ADGRB3: variants seen among roughly 807,000 people sequenced by gnomAD.
ADGRB3 encodes brain-specific angiogenesis inhibitor 3.
A neutral mutation model predicts 193.4 loss-of-function variants in ADGRB3; 37 were observed. That is an observed-to-expected ratio of 0.19 (90% CI 0.15 to 0.25). The LOEUF is 0.25. Ranked by LOEUF, ADGRB3 falls within the 10% of genes least tolerant of loss-of-function variation. ADGRB3 has a pLI of 1.00. For missense variants in ADGRB3, 1,637 were observed against 1,852.9 expected (o/e 0.88, Z 2.14); for synonymous variants, 690 against 644.2 (o/e 1.07, Z -1.08).
At chr6:68,803,933 A>C (rs1312618731) in intron 3 of ADGRB3, among the ~76,000 whole-genome samples, 4 of 152,104 alleles carry the variant, frequency 2.6e-5, no homozygotes, top group Non-Finnish European at 5.9e-5. Context: ...TCCAACATTC[A>C]ATACCATTGA....
intron 3 of ADGRB3, among the ~76,000 whole-genome samples, chr6:68,772,898 T>A (rs1279732603): frequency 0.068 from 799 of 11,832 alleles, 2 homozygotes; most frequent in Admixed American, 0.095. Flanking sequence ...AAAAAAAATA[T>A]ATATATATAT....
chr6:68,779,784 T>G (rs1766819605), intron 3 of ADGRB3, among the ~76,000 whole-genome samples: 1 of 152,036 alleles, frequency 6.6e-6, no homozygotes, highest in Admixed American at 6.6e-5. Flanking sequence ...CCTGACAATG[T>G]TTTACATACA....
intron 17 of ADGRB3, among the ~76,000 whole-genome samples, chr6:69,157,824 A>G (rs547605936): frequency 7.9e-5 from 12 of 152,298 alleles, no homozygotes; most frequent in African/African-American, 2.9e-4. Flanking sequence ...AAAGAAGTCT[A>G]AATGTATTAT....
At chr6:69,373,317 G>A (rs1003608100) in intron 30 of ADGRB3, among the ~76,000 whole-genome samples, 9 of 151,894 alleles carry the variant, frequency 5.9e-5, no homozygotes, top group South Asian at 2.1e-4. Context: ...TAATTCAGTC[G>A]TTTCATTTAT....
intron 20 of ADGRB3, among the ~76,000 whole-genome samples, chr6:69,259,304 C>G (rs1458013147): frequency 6.6e-6 from 1 of 152,126 alleles, no homozygotes; most frequent in Non-Finnish European, 1.5e-5. Flanking sequence ...CAATAATTAA[C>G]CTTGTTGCTG....
intron 17 of ADGRB3, among the ~76,000 whole-genome samples, chr6:69,171,892 C>T (rs1179738839): frequency 1.3e-5 from 2 of 152,168 alleles, no homozygotes; most frequent in Non-Finnish European, 2.9e-5. Context: ...TACATTGCCA[C>T]ACAAAATAAG....
chr6:68,664,691 G>A (rs1768756103), intron 3 of ADGRB3, among the ~76,000 whole-genome samples: 1 of 151,732 alleles, frequency 6.6e-6, no homozygotes, highest in South Asian at 2.1e-4. Context: ...TGCTCTTCTG[G>A]CCTATATAAG....
intron 17 of ADGRB3, among the ~76,000 whole-genome samples, chr6:69,127,932 G>A (rs1695918497): frequency 2.6e-5 from 4 of 151,258 alleles, no homozygotes; most frequent in Admixed American, 1.3e-4. Context: ...ATGGCATTTG[G>A]ACATAGATGT....
chr6:68,955,960 A>G (rs1768058729), intron 6 of ADGRB3, 64 bp from the exon 7 acceptor site: 4 of 1,540,614 alleles, frequency 2.6e-6, no homozygotes, highest in Admixed American at 3.7e-5. Flanking sequence ...TTTACCAGGT[A>G]CTTTCTGTAC....
In ADGRB3 at chr6:69,361,322, A is replaced by G. The variant is rs746013983; in HGVS notation, c.4049A>G (p.Asn1350Ser). ...LLHYKVNPEF[N>S]MNPPVMDQFN... ...CACTACAAAGTAAACCCTGAATTCAATATGAATCCCCCTGTAATGGACCAG... is the reference window on the plus strand; with the variant it reads ...CACTACAAAGTAAACCCTGAATTCAGTATGAATCCCCCTGTAATGGACCAG... Residue 1350 changes from asparagine (N) to serine (S), a missense_variant, in exon 29 of 32, where the codon AAT becomes AGT. Physicochemically the swap from Asn to Ser is conservative, Grantham distance 46. Transcript: ENST00000370598. 31 of 1,612,886 alleles carry G rather than the reference A, an allele frequency of 1.9e-5. No individual in the cohort carries two copies. In the East Asian group the frequency reaches 4.0e-4, roughly 21 times the overall value.
At chr6:68,781,463 C>T (rs1449626485) in intron 3 of ADGRB3, among the ~76,000 whole-genome samples, 1 of 152,018 alleles carries the variant, frequency 6.6e-6, no homozygotes, top group Non-Finnish European at 1.5e-5. Context: ...CAGGATGCTC[C>T]TTGATCTTAC....
At chr6:69,140,056 T>C (rs2150337385) in intron 17 of ADGRB3, among the ~76,000 whole-genome samples, 1 of 152,274 alleles carries the variant, frequency 6.6e-6, no homozygotes, top group Non-Finnish European at 1.5e-5. Flanking sequence ...CACTGAATAT[T>C]CCATTTAGAA....
chr6:68,999,628 T>C (rs1337525852), intron 11 of ADGRB3, among the ~76,000 whole-genome samples: 2 of 152,232 alleles, frequency 1.3e-5, no homozygotes, highest in African/African-American at 4.8e-5. Flanking sequence ...TCTTTTGTTG[T>C]TGTTGTTCTC....
intron 29 of ADGRB3, among the ~76,000 whole-genome samples, chr6:69,363,979 A>G (rs1769514954): frequency 6.6e-6 from 1 of 151,988 alleles, no homozygotes. Context: ...CTTAGAAGAT[A>G]ATGTTAAGGT....
chr6:69,263,190 A>T (rs936081663), intron 20 of ADGRB3, among the ~76,000 whole-genome samples: 1 of 151,732 alleles, frequency 6.6e-6, no homozygotes, highest in Non-Finnish European at 1.5e-5. Flanking sequence ...ACATGAAGGA[A>T]CTCCGTCTTT....
At chr6:68,651,781 C>T (rs1169659058) in intron 3 of ADGRB3, among the ~76,000 whole-genome samples, 2 of 152,138 alleles carry the variant, frequency 1.3e-5, no homozygotes, top group Non-Finnish European at 2.9e-5. Context: ...CCTAATTAGT[C>T]TCTCCTTTCT....
chr6:68,794,412 A>G (rs1313062622), intron 3 of ADGRB3, among the ~76,000 whole-genome samples: 1 of 152,112 alleles, frequency 6.6e-6, no homozygotes, highest in Non-Finnish European at 1.5e-5. Context: ...AAGCTATGGA[A>G]TCAATTTGAA....
intron 1 of ADGRB3, among the ~76,000 whole-genome samples, chr6:68,636,477 T>TAAATAAATAAATAAAA (rs1554162486): frequency 6.9e-6 from 1 of 144,664 alleles, no homozygotes; most frequent in African/African-American, 2.5e-5. Context: ...AATAAATAAA[T>TAAATAAATAAATAAAA]AAAACATCCT....
At chr6:68,959,328 G>T (rs1768169494) in intron 8 of ADGRB3, among the ~76,000 whole-genome samples, 1 of 151,954 alleles carries the variant, frequency 6.6e-6, no homozygotes. Flanking sequence ...TTTTTCTAAG[G>T]CATCTTTGTC....
Sources: allele counts gnomAD v4.1 joint callset (sites outside exome capture counted in the v4.1 genomes callset), GRCh38; gene constraint gnomAD v4.1.1; transcripts MANE v1.5; gene names NCBI Gene and HGNC (gene_info 2026-07-23, HGNC 2026-07-21).